GPD2: variants seen among roughly 807,000 people sequenced by gnomAD.
GPD2 encodes the protein glycerol-3-phosphate dehydrogenase 2.
In GPD2, 54 loss-of-function variants were observed where a neutral mutation model predicts 82.4. The ratio of observed to expected loss-of-function variants is 0.66; its 90% CI spans 0.53 to 0.82. The LOEUF (loss-of-function observed/expected upper bound fraction) is 0.82, where lower values mean the gene tolerates loss of function less well. GPD2 is among the 40% of genes least tolerant of loss of function. The pLI is 0.00. For synonymous variants in GPD2, 288 were observed against 306.1 expected (o/e 0.94, Z 0.62); for missense variants, 748 against 896.2 (o/e 0.83, Z 2.11).
chr2:156,485,982 G>A (rs1420504774), intron 2 of GPD2, among the ~76,000 whole-genome samples: 1 of 152,182 alleles, frequency 6.6e-6, no homozygotes, highest in Non-Finnish European at 1.5e-5. Context: ...ATTCCTGGAA[G>A]AACTGTTTTT....
intron 6 of GPD2, among the ~76,000 whole-genome samples, chr2:156,519,305 A>T (rs78319228): frequency 0.015 from 2,252 of 152,240 alleles, 32 homozygotes; most frequent in South Asian, 0.062. Context: ...GAGAGGACAG[A>T]TTGCTTTGGA....
intron 1 of GPD2, among the ~76,000 whole-genome samples, chr2:156,466,792 T>C (rs546312799): frequency 7.0e-4 from 107 of 152,364 alleles, no homozygotes; most frequent in African/African-American, 2.4e-3. Context: ...ACTGGCTCAC[T>C]TAAAATAGTT....
chr2:156,437,998 T>G (rs1682012265), intron 1 of GPD2, among the ~76,000 whole-genome samples: 1 of 152,242 alleles, frequency 6.6e-6, no homozygotes, highest in South Asian at 2.1e-4. Context: ...GCGTGTAAGT[T>G]CTATGAGAGT....
At position 156,585,416 on chromosome 2, in the gene GPD2, A is replaced by G. The variant is rs1688183282; in HGVS notation, c.*2498A>G. 6.6e-6 allele frequency: 1 copy of G among 152,338 alleles called. No individual in the cohort carries two copies. Among genetic ancestry groups the G allele is most frequent in the Non-Finnish European group, 1.5e-5 (1 of 67,942 alleles). 9.4% of individuals were successfully genotyped at this position (152,338 alleles called of 1,614,324 possible). On this transcript the variant is annotated 3_prime_UTR_variant, in exon 17 of 17. Coordinates refer to ENST00000438166, the MANE Select transcript of GPD2 (RefSeq NM_000408.5). ...AGGGGATTCAGGTGAAGGAACCCCC[A>G]TCTGTGCTGGAGAGTTGGATACTCC...
At chr2:156,575,981 T>C (rs1687809046) in intron 13 of GPD2, among the ~76,000 whole-genome samples, 1 of 152,192 alleles carries the variant, frequency 6.6e-6, no homozygotes, top group South Asian at 2.1e-4. Flanking sequence ...GGAGAGTGAA[T>C]GTTTGATGAT....
rs1424561360 is a variant in GPD2, at chr2:156,512,262, C to G, written c.442C>G (p.Leu148Val). The G allele has an allele frequency of 4.4e-6, 7 of 1,606,278 alleles. No homozygotes were observed. Among genetic ancestry groups the G allele is most frequent in the Non-Finnish European group, 6.0e-6 (7 of 1,172,984 alleles). ...AGCCCTTCATGAGCGTGCCAACCTG[C>G]TAGAAATTGCTCCCCATTTATCAGC... is the stretch of plus-strand genomic sequence containing the variant. Reference protein sequence around the residue: ...KEALHERANLLEIAPHLSAPL... With the variant: ...KEALHERANLVEIAPHLSAPL... The change falls in exon 5 of 17, where the codon CTA becomes GTA. Residue 148 changes from leucine to valine, a missense_variant. By Grantham distance (32) the Leu-to-Val change is conservative. Around this residue, in one of 3 missense-constraint regions of GPD2, gnomAD observed 692 missense variants for 809.7 expected, o/e 0.85. Transcript: ENST00000438166.
chr2:156,538,822 A>AG (rs1386938270), intron 6 of GPD2, among the ~76,000 whole-genome samples: 1 of 149,588 alleles, frequency 6.7e-6, no homozygotes, highest in African/African-American at 2.4e-5. Context: ...CTGCATCTCA[A>AG]AAAAAAAAAA....
intron 2 of GPD2, among the ~76,000 whole-genome samples, chr2:156,483,774 G>A (rs961889193): frequency 6.6e-6 from 1 of 152,142 alleles, no homozygotes; most frequent in Non-Finnish European, 1.5e-5. Context: ...TTCCACCTTA[G>A]CATTGCTTTT....
chr2:156,484,667 C>G (rs773494825), intron 2 of GPD2, among the ~76,000 whole-genome samples: 2 of 151,868 alleles, frequency 1.3e-5, no homozygotes, highest in Non-Finnish European at 2.9e-5. Context: ...TGGCAAAGCC[C>G]CATCTCTACT....
At chr2:156,400,857 C>G in the GPD2 span, among the ~76,000 whole-genome samples, 4 of 152,266 alleles carry the variant, frequency 2.6e-5, no homozygotes, top group South Asian at 2.1e-4. Context: ...CCGACGTTTG[C>G]TTTTTATTTT....
upstream of GPD2, among the ~76,000 whole-genome samples, chr2:156,431,948 G>A (rs540688433): frequency 1.3e-4 from 19 of 145,896 alleles, 2 homozygotes; most frequent in Admixed American, 1.2e-3. Flanking sequence ...GTGCAATGGC[G>A]CAATCTCAGC....
chr2:156,577,255 G>A (rs1687855182), intron 13 of GPD2, among the ~76,000 whole-genome samples: 1 of 152,126 alleles, frequency 6.6e-6, no homozygotes, highest in Non-Finnish European at 1.5e-5. Flanking sequence ...GCTGAGGTGG[G>A]AGAATCAATC....
At chr2:156,536,692 C>G (rs1686096090) in intron 6 of GPD2, among the ~76,000 whole-genome samples, 1 of 152,218 alleles carries the variant, frequency 6.6e-6, no homozygotes, top group Admixed American at 6.5e-5. Context: ...ACAAGTAGGG[C>G]TCAAGATCTA....
intron 2 of GPD2, 26 bp from the exon 3 acceptor site, chr2:156,496,018 C>T: frequency 6.3e-7 from 1 of 1,587,344 alleles, no homozygotes; most frequent in Non-Finnish European, 8.6e-7. Flanking sequence ...AAATGGACAA[C>T]TGAAAGTGAT....
chr2:156,466,519 T>C (rs1032173277), intron 1 of GPD2, among the ~76,000 whole-genome samples: 2 of 152,186 alleles, frequency 1.3e-5, no homozygotes. Flanking sequence ...AGCATAAGTA[T>C]GTTATATGGC....
chr2:156,548,467 G>T (rs991852328), intron 6 of GPD2, among the ~76,000 whole-genome samples: 1 of 152,148 alleles, frequency 6.6e-6, no homozygotes, highest in Non-Finnish European at 1.5e-5. Context: ...GTTCTTAGCC[G>T]ATTATATTAG....
intron 6 of GPD2, among the ~76,000 whole-genome samples, chr2:156,546,651 A>G (rs563899872): frequency 6.6e-6 from 1 of 152,256 alleles, no homozygotes; most frequent in African/African-American, 2.4e-5. Flanking sequence ...TTGCTCCTCA[A>G]GTTTTGGGAG....
chr2:156,525,397 A>G (rs1327797196), intron 6 of GPD2, among the ~76,000 whole-genome samples: 1 of 152,176 alleles, frequency 6.6e-6, no homozygotes. Flanking sequence ...GGAAGCAGCC[A>G]TTTCTTCAGT....
At chr2:156,503,711 A>G (rs1263838873) in intron 3 of GPD2, among the ~76,000 whole-genome samples, 5 of 152,218 alleles carry the variant, frequency 3.3e-5, no homozygotes, top group Non-Finnish European at 7.4e-5. Context: ...AGATGGTATC[A>G]GATAGTGTTC....
Sources: gnomAD v4.1 joint callset for allele counts (sites outside exome capture counted in the v4.1 genomes callset) on GRCh38, gnomAD v4.1.1 for gene constraint, gnomAD v4.1.1 regional missense constraint, MANE v1.5 for transcripts, NCBI Gene and HGNC (gene_info 2026-07-23, HGNC 2026-07-21) for gene names.